The following JCAD variants were observed in gnomAD, a reference collection of about 807,000 sequenced individuals.
The protein encoded by JCAD is junctional cadherin 5-associated protein.
A neutral mutation model predicts 98.0 loss-of-function variants in JCAD; 40 were observed. That is an observed-to-expected ratio of 0.41 (90% CI 0.32 to 0.53). JCAD has a LOEUF of 0.53. Among genes scored for constraint, JCAD ranks in the 20% least tolerant of loss-of-function variants. The pLI, the probability that JCAD is intolerant of heterozygous loss-of-function variation, is 0.31. For missense variants in JCAD, 1,705 were observed against 1,738.1 expected, an observed-to-expected ratio of 0.98 and a Z score of 0.34; for synonymous variants, 691 against 682.3, an observed-to-expected ratio of 1.01 and a Z score of -0.20.
intron 1 of JCAD, among the ~76,000 whole-genome samples, chr10:30,070,456 G>C (rs1459053806): frequency 1.3e-5 from 2 of 152,234 alleles, no homozygotes; most frequent in African/African-American, 4.8e-5. Context: ...GTAAAAGAAT[G>C]AATTGAGCAC....
intron 1 of JCAD, among the ~76,000 whole-genome samples, chr10:30,109,458 C>A (rs1838649009): frequency 6.6e-6 from 1 of 152,102 alleles, no homozygotes; most frequent in South Asian, 2.1e-4. Flanking sequence ...TGCCTGTGGC[C>A]CTGTCTTCAG....
intron 1 of JCAD, among the ~76,000 whole-genome samples, chr10:30,105,925 T>C (rs1011298652): frequency 3.3e-5 from 5 of 152,216 alleles, no homozygotes; most frequent in Admixed American, 2.6e-4. Flanking sequence ...ATATTCTGAA[T>C]TGGTTAAGAC....
chr10:30,039,778 G>T (rs1837204443), intron 2 of JCAD, among the ~76,000 whole-genome samples: 2 of 152,088 alleles, frequency 1.3e-5, no homozygotes, highest in Non-Finnish European at 2.9e-5. Flanking sequence ...GCACTGGAGG[G>T]GCGGCGTGGG....
At chr10:30,031,421 A>T (rs1267763109) in intron 2 of JCAD, among the ~76,000 whole-genome samples, 1 of 146,414 alleles carries the variant, frequency 6.8e-6, no homozygotes, top group Non-Finnish European at 1.5e-5. Context: ...ATGAAGCACC[A>T]TGCCTGGCCC....
At chr10:30,106,151 A>T (rs1015493438) in intron 1 of JCAD, among the ~76,000 whole-genome samples, 4 of 152,116 alleles carry the variant, frequency 2.6e-5, no homozygotes, top group Non-Finnish European at 5.9e-5. Context: ...GGCTGGGGGC[A>T]TTGGCTCACA....
At chr10:30,067,672 G>A (rs1405836588) in intron 2 of JCAD, among the ~76,000 whole-genome samples, 2 of 152,194 alleles carry the variant, frequency 1.3e-5, no homozygotes, top group Non-Finnish European at 2.9e-5. Flanking sequence ...CAGGCACTGG[G>A]CTAGGCCTTG....
intron 3 of JCAD, among the ~76,000 whole-genome samples, chr10:30,022,168 A>G (rs929358020): frequency 6.6e-6 from 1 of 152,198 alleles, no homozygotes; most frequent in Non-Finnish European, 1.5e-5. Flanking sequence ...AGAGGCATGA[A>G]AGACCACTAA....
intron 1 of JCAD, among the ~76,000 whole-genome samples, chr10:30,114,109 C>T (rs769529625): frequency 4.6e-5 from 7 of 152,102 alleles, no homozygotes; most frequent in Non-Finnish European, 1.0e-4. Context: ...ATAAGATGAT[C>T]GCAAAGTGGT....
intron 2 of JCAD, among the ~76,000 whole-genome samples, chr10:30,037,142 G>C (rs1475092765): frequency 6.6e-6 from 1 of 152,202 alleles, no homozygotes; most frequent in African/African-American, 2.4e-5. Context: ...CCCGCTGTCA[G>C]GTGCCTAACA....
At chr10:30,031,719 G>A (rs1165717304) in intron 2 of JCAD, among the ~76,000 whole-genome samples, 2 of 149,266 alleles carry the variant, frequency 1.3e-5, no homozygotes, top group Non-Finnish European at 3.0e-5. Context: ...TGGGATTAGA[G>A]GAGTGAGCCA....
chr10:30,022,259 G>A (rs1836675094), intron 3 of JCAD, among the ~76,000 whole-genome samples: 1 of 152,168 alleles, frequency 6.6e-6, no homozygotes, highest in African/African-American at 2.4e-5. Flanking sequence ...TGTGTGTGTA[G>A]GGTGGGGTGG....
Position 30,028,936 on chromosome 10 carries a change from A to G in JCAD, c.1212T>C (p.Pro404=). Residue 404 remains proline (P), a synonymous_variant, in exon 3 of 4, where the codon CCT becomes CCC. Transcript: ENST00000375377. ...GTCGGGGATGTGCGGGGAGCCCCTG[A>G]GGCAAGCGGGGGCTCACACCATACT... ...GNEYGVSPRL[P]QGLPAHPRPV... 6.2e-7 allele frequency: 1 copy of G among 1,614,022 alleles called. No homozygotes were observed. The highest frequency in any genetic ancestry group is 8.5e-7 in the Non-Finnish European group (1 of 1,179,944).
chr10:30,114,186 C>T lies in JCAD; in HGVS notation n.128+1181G>A, dbSNP rs778409382. On this transcript the variant is annotated intron_variant and non_coding_transcript_variant, in intron 1 of 2. Transcript: ENST00000465712. ...GCTCTATGGCCACTTCAACCTCACC[C>T]GTAATCTGAAGCTTGAAATTTGGCA... Among the ~76,000 whole-genome samples the T allele has an allele frequency of 3.9e-5, 6 of 152,172 alleles. No homozygotes were observed. The South Asian group carries it at 6.2e-4, about 16-fold the overall frequency.
chr10:30,071,312 T>C (rs926787564), intron 1 of JCAD, among the ~76,000 whole-genome samples: 2 of 152,306 alleles, frequency 1.3e-5, no homozygotes, highest in Admixed American at 6.5e-5. Context: ...TTGTTTTTAC[T>C]TTCCCTAGCT....
At chr10:30,073,194 C>T (rs1311670155) in intron 1 of JCAD, among the ~76,000 whole-genome samples, 1 of 152,184 alleles carries the variant, frequency 6.6e-6, no homozygotes, top group Non-Finnish European at 1.5e-5. Flanking sequence ...TGGGGTCAGA[C>T]AGATTTGGGT....
At chr10:30,058,654 G>T (rs1303467392) in intron 1 of JCAD, among the ~76,000 whole-genome samples, 1 of 152,206 alleles carries the variant, frequency 6.6e-6, no homozygotes, top group East Asian at 1.9e-4. Flanking sequence ...GGCAAACCCT[G>T]GCATTTTGGG....
intron 2 of JCAD, among the ~76,000 whole-genome samples, chr10:30,039,586 G>A (rs1299800021): frequency 1.3e-5 from 2 of 152,242 alleles, no homozygotes; most frequent in African/African-American, 2.4e-5. Flanking sequence ...AGAAAACAAT[G>A]TCTGTGGCCA....
intron 1 of JCAD, among the ~76,000 whole-genome samples, chr10:30,092,194 T>C (rs1456380366): frequency 1.4e-5 from 2 of 138,326 alleles, no homozygotes; most frequent in South Asian, 2.4e-4. Flanking sequence ...AAACAAAGAG[T>C]AGATTTTCTA....
chr10:30,077,027 A>C (rs1384028684), intron 1 of JCAD, among the ~76,000 whole-genome samples: 1 of 152,168 alleles, frequency 6.6e-6, no homozygotes, highest in Non-Finnish European at 1.5e-5. Flanking sequence ...AAAACGTATG[A>C]AGACATTCGG....
Sources: allele counts gnomAD v4.1 joint callset (sites outside exome capture counted in the v4.1 genomes callset), GRCh38; gene constraint gnomAD v4.1.1; transcripts MANE v1.5; gene names NCBI Gene and HGNC (gene_info 2026-07-23, HGNC 2026-07-21).